HECW2: variants seen among roughly 807,000 people sequenced by gnomAD.
HECW2 encodes HECT, C2 and WW domain containing E3 ubiquitin protein ligase 2, also known as E3 ubiquitin-protein ligase HECW2.
Under a neutral mutation model 175.2 loss-of-function variants are expected in HECW2, and 61 were observed. That is an observed-to-expected ratio of 0.35 (90% CI 0.28 to 0.43). HECW2 has a LOEUF of 0.43. Among genes scored for constraint, HECW2 ranks in the 20% least tolerant of loss-of-function variants. The pLI is 1.00. For missense variants in HECW2, 1,524 were observed against 2,000.5 expected (o/e 0.76, Z 4.54); for synonymous variants, 671 against 731.0 (o/e 0.92, Z 1.32).
chr2:196,438,165 A>G (rs1042785225), intron 1 of HECW2, among the ~76,000 whole-genome samples: 1 of 152,186 alleles, frequency 6.6e-6, no homozygotes, highest in Non-Finnish European at 1.5e-5. Flanking sequence ...AAGATGTAGG[A>G]AAGAGAGGAG....
chr2:196,229,846 T>C (rs1387194610), intron 21 of HECW2, among the ~76,000 whole-genome samples: 21 of 152,248 alleles, frequency 1.4e-4, no homozygotes. Flanking sequence ...AATAGAACTT[T>C]GTCTTACACA....
At chr2:196,563,106 A>T (rs1024830147) in intron 1 of HECW2, among the ~76,000 whole-genome samples, 9 of 152,192 alleles carry the variant, frequency 5.9e-5, no homozygotes, top group Admixed American at 5.9e-4. Flanking sequence ...ATAATCTTCA[A>T]TAATTAAGAG....
At position 196,194,180 on chromosome 2, in the gene HECW2, TAAAC is replaced by T. The variant is rs1055076751; in HGVS notation, c.*7093_*7096del. 12 of 151,670 alleles carry T rather than the reference TAAAC, an allele frequency of 7.9e-5. No individual in the cohort carries two copies. The South Asian group carries it at 1.0e-3, about 13-fold the overall frequency. 9.4% of individuals were successfully genotyped at this position (151,670 alleles called of 1,614,324 possible). On this transcript the variant is annotated 3_prime_UTR_variant, in exon 29 of 29. Coordinates refer to ENST00000644978, the MANE Select transcript of HECW2 (RefSeq NM_001348768.2). Reference sequence around the variant, plus strand: ...TAAACAAAGTAGATTCCAAACAAAATAAACAAATATTTTATTAATAAATAATAAA... The same window carrying T: ...TAAACAAAGTAGATTCCAAACAAAATAAATATTTTATTAATAAATAATAAA...
intron 1 of HECW2, among the ~76,000 whole-genome samples, chr2:196,468,036 T>TG (rs1375565417): frequency 6.6e-6 from 1 of 152,168 alleles, no homozygotes; most frequent in African/African-American, 2.4e-5. Context: ...TTTTTTGAGA[T>TG]GGAGTCTCAC....
intron 19 of HECW2, among the ~76,000 whole-genome samples, chr2:196,252,666 T>C (rs1688902331): frequency 6.6e-6 from 1 of 152,220 alleles, no homozygotes; most frequent in Non-Finnish European, 1.5e-5. Context: ...GTACCATGAT[T>C]GTACAGTCTG....
At chr2:196,573,124 A>G (rs77436325) in intron 1 of HECW2, among the ~76,000 whole-genome samples, 20,582 of 152,076 alleles carry the variant, frequency 0.14, 1,459 homozygotes, top group Middle Eastern at 0.23. Flanking sequence ...GAAAACAATC[A>G]AATAAAACAT....
intron 2 of HECW2, among the ~76,000 whole-genome samples, chr2:196,367,205 T>C (rs1242704522): frequency 1.3e-5 from 2 of 152,218 alleles, no homozygotes; most frequent in Admixed American, 6.5e-5. Context: ...GATTCCCACA[T>C]GCTGAAAGAG....
intron 1 of HECW2, among the ~76,000 whole-genome samples, chr2:196,538,688 AAC>A (rs766105523): frequency 6.6e-6 from 1 of 152,218 alleles, no homozygotes; most frequent in Non-Finnish European, 1.5e-5. Context: ...AAAAAACTAT[AAC>A]AGTCTCATGA....
chr2:196,457,255 G>T (rs1264416197), intron 1 of HECW2, among the ~76,000 whole-genome samples: 2 of 152,144 alleles, frequency 1.3e-5, no homozygotes, highest in Admixed American at 6.5e-5. Flanking sequence ...CAGAATTTTT[G>T]AACTAAAAGG....
intron 1 of HECW2, among the ~76,000 whole-genome samples, chr2:196,452,684 T>C (rs944779888): frequency 3.9e-5 from 6 of 151,946 alleles, no homozygotes; most frequent in Non-Finnish European, 8.8e-5. Flanking sequence ...AGACCACTCC[T>C]CTCCTGCATG....
chr2:196,491,270 G>A (rs988272787), intron 1 of HECW2, among the ~76,000 whole-genome samples: 1 of 151,598 alleles, frequency 6.6e-6, no homozygotes, highest in Non-Finnish European at 1.5e-5. Context: ...AGGCCAAGGT[G>A]GATGAATCAG....
intron 2 of HECW2, among the ~76,000 whole-genome samples, chr2:196,412,902 T>TC (rs1342288616): frequency 4.6e-5 from 7 of 152,186 alleles, no homozygotes; most frequent in Non-Finnish European, 8.8e-5. Context: ...GCCCTCTGAA[T>TC]TAGGAAATTA....
chr2:196,558,907 T>A (rs189923131), intron 1 of HECW2, among the ~76,000 whole-genome samples: 1 of 152,224 alleles, frequency 6.6e-6, no homozygotes, highest in Non-Finnish European at 1.5e-5. Context: ...TTGTTTAATA[T>A]ACCAAATGGA....
At chr2:196,315,364 A>T (rs1691656681) in intron 10 of HECW2, among the ~76,000 whole-genome samples, 1 of 152,190 alleles carries the variant, frequency 6.6e-6, no homozygotes, top group African/African-American at 2.4e-5. Context: ...TCTTAGTTGT[A>T]TCAGACTGTC....
chr2:196,552,705 C>G (rs906766716), intron 1 of HECW2, among the ~76,000 whole-genome samples: 1 of 152,168 alleles, frequency 6.6e-6, no homozygotes, highest in African/African-American at 2.4e-5. Context: ...GAGCCTGAGG[C>G]TTCCTCTCAT....
At chr2:196,225,979 A>G (rs1422124599) in intron 22 of HECW2, 109 bp from the exon 23 acceptor site, 2 of 675,052 alleles carry the variant, frequency 3.0e-6, no homozygotes, top group Admixed American at 4.9e-5. Flanking sequence ...TTTTTCCAAT[A>G]TTAATTGCCT....
Position 196,395,948 on chromosome 2 carries a change from T to C in HECW2, c.292+37184A>G, listed in dbSNP as rs769373958. Among the ~76,000 whole-genome samples, 54 of 152,310 alleles carry C rather than the reference T, an allele frequency of 3.5e-4. 1 individual carries two copies. Among genetic ancestry groups the C allele is most frequent in the Middle Eastern group, 6.8e-3 (2 of 294 alleles). On this transcript the variant is annotated intron_variant, in intron 2 of 28. Transcript: ENST00000644978. ...TATGCCCACGTTCATAGGAGCACTA[T>C]TCACAATAGCCAAAAGGCGGAAGCA...
intron 2 of HECW2, among the ~76,000 whole-genome samples, chr2:196,358,606 A>G (rs1193057094): frequency 2.0e-5 from 3 of 149,910 alleles, no homozygotes; most frequent in Admixed American, 6.6e-5. Context: ...AAAAAAAAAA[A>G]AAAAAAAAAA....
chr2:196,320,001 C>G, intron 8 of HECW2, 97 bp from the exon 9 acceptor site: 1 of 1,258,164 alleles, frequency 7.9e-7, no homozygotes, highest in Non-Finnish European at 1.1e-6. Context: ...TCAAAGAAAT[C>G]AGTCATTCTG....
Sources: gnomAD v4.1 joint callset for allele counts (sites outside exome capture counted in the v4.1 genomes callset) on GRCh38, gnomAD v4.1.1 for gene constraint, MANE v1.5 for transcripts, NCBI Gene and HGNC (gene_info 2026-07-23, HGNC 2026-07-21) for gene names.